GNA12: variants seen among roughly 807,000 people sequenced by gnomAD.
GNA12 encodes the protein guanine nucleotide-binding protein subunit alpha-12.
In GNA12, 9 loss-of-function variants were observed where a neutral mutation model predicts 26.0. That is an observed-to-expected ratio of 0.35 (90% CI 0.21 to 0.60). GNA12 has a LOEUF of 0.60. Among genes scored for constraint, GNA12 ranks in the 20% least tolerant of loss-of-function variants. The probability of loss-of-function intolerance (pLI) is 0.78; values close to 1 mark genes in which losing one functional copy is unlikely to be tolerated. For synonymous variants in GNA12, 264 were observed against 219.6 expected (o/e 1.20, Z -1.79); for missense variants, 405 against 525.8 (o/e 0.77, Z 2.25).
chr7:2,767,942 C>T (rs974469065), intron 2 of GNA12, among the ~76,000 whole-genome samples: 1 of 152,214 alleles, frequency 6.6e-6, no homozygotes, highest in Non-Finnish European at 1.5e-5. Flanking sequence ...GCAACCTCCG[C>T]CTCCTGGGTT....
intron 2 of GNA12, among the ~76,000 whole-genome samples, chr7:2,756,254 A>T (rs915971769): frequency 9.9e-5 from 15 of 152,184 alleles, no homozygotes; most frequent in Non-Finnish European, 1.8e-4. Flanking sequence ...CACATAACTT[A>T]AAAAAAACTC....
intron 2 of GNA12, among the ~76,000 whole-genome samples, chr7:2,785,166 A>G (rs1792327503): frequency 6.6e-6 from 1 of 152,204 alleles, no homozygotes; most frequent in Admixed American, 6.5e-5. Context: ...CAAATACCTC[A>G]GCTTCCTGCT....
intron 1 of GNA12, among the ~76,000 whole-genome samples, chr7:2,842,624 T>C (rs964581088): frequency 1.3e-5 from 2 of 152,118 alleles, no homozygotes; most frequent in African/African-American, 4.8e-5. Context: ...TTCACAAATA[T>C]GGCGAAGAGA....
rs1793363680 is a variant in GNA12, at chr7:2,821,226, A to G, written c.309+22627T>C. 2.0e-5 allele frequency among the ~76,000 whole-genome samples: 3 copies of G among 152,326 alleles called. 1 individual carries two copies. The South Asian group carries it at 6.2e-4, about 32-fold the overall frequency. On this transcript the variant is annotated intron_variant, in intron 1 of 3. Transcript: ENST00000275364. ...TCTGCAAGACAGGCTGAGAAACAGA[A>G]TCATTCCAATCACTCCTGCTGTATC...
intron 1 of GNA12, among the ~76,000 whole-genome samples, chr7:2,799,528 G>A (rs1421734914): frequency 1.3e-5 from 2 of 152,168 alleles, no homozygotes; most frequent in Non-Finnish European, 2.9e-5. Flanking sequence ...GTTACAGTGA[G>A]CTATGACAGT....
intron 2 of GNA12, among the ~76,000 whole-genome samples, chr7:2,782,576 C>G (rs1437729818): frequency 6.6e-6 from 1 of 152,034 alleles, no homozygotes; most frequent in Admixed American, 6.6e-5. Flanking sequence ...AAGTTCACGT[C>G]TACCTTTTTC....
intron 1 of GNA12, among the ~76,000 whole-genome samples, chr7:2,809,993 G>C (rs1202844196): frequency 6.6e-6 from 1 of 152,182 alleles, no homozygotes; most frequent in Non-Finnish European, 1.5e-5. Flanking sequence ...CAGTCTTCTA[G>C]TATCATTACA....
rs368802006 is a variant in GNA12, at chr7:2,728,235, C to T, written c.*2946G>A. The T allele has an allele frequency of 5.7e-4, 87 of 152,412 alleles. No homozygotes were observed. In the Middle Eastern group the frequency reaches 0.01, roughly 18 times the overall value. The allele number at this position is 152,412 out of a possible 1,614,324, so 9.4% of individuals were successfully genotyped here. A position where few individuals can be genotyped will look rare whatever the true frequency, so the allele number is the denominator to read the frequency against. On this transcript the variant is annotated 3_prime_UTR_variant, in exon 4 of 4. Coordinates refer to ENST00000275364, the MANE Select transcript of GNA12 (RefSeq NM_007353.3). ...AAGCTTACACCATGAACAACTGACC[C>T]GGACCACTACCATTCCAATGGGAGC...
chr7:2,820,044 G>C (rs1040863986), intron 1 of GNA12, among the ~76,000 whole-genome samples: 1 of 152,256 alleles, frequency 6.6e-6, no homozygotes, highest in Non-Finnish European at 1.5e-5. Flanking sequence ...CGGCCGCTTA[G>C]AGGGATGACG....
At chr7:2,840,509 T>C (rs1487639170) in intron 1 of GNA12, among the ~76,000 whole-genome samples, 2 of 152,254 alleles carry the variant, frequency 1.3e-5, no homozygotes, top group Non-Finnish European at 2.9e-5. Context: ...AGTATTATTC[T>C]AAATGGTATC....
Position 2,844,141 on chromosome 7 carries a change from G to T in GNA12, c.21C>A (p.Thr7=). Residue 7 remains threonine (T), a synonymous_variant, in exon 1 of 4, where the codon ACC becomes ACA. Transcript: ENST00000275364. MSGVVR[T]LSRCLLPAEA... ...CGGCCGGCAGCAGGCAGCGGCTGAG[G>T]GTCCGCACCACCCCGGACATGGCCC... 3.0e-6 allele frequency: 3 copies of T among 986,432 alleles called. No homozygotes were observed. The highest frequency in any genetic ancestry group is 3.6e-6 in the Non-Finnish European group (3 of 832,298). 61.1% of individuals were successfully genotyped at this position (986,432 alleles called of 1,614,324 possible). A position where few individuals can be genotyped will look rare whatever the true frequency, so the allele number is the denominator to read the frequency against.
intron 1 of GNA12, among the ~76,000 whole-genome samples, chr7:2,842,021 A>AAGAAAGGGAGGG (rs1434162513): frequency 8.5e-6 from 1 of 117,682 alleles, no homozygotes; most frequent in Non-Finnish European, 2.0e-5. Context: ...GGGAGAAAGG[A>AAGAAAGGGAGGG]AGGGAGGAAG....
At chr7:2,776,333 A>G (rs1274474015) in intron 2 of GNA12, among the ~76,000 whole-genome samples, 1 of 152,164 alleles carries the variant, frequency 6.6e-6, no homozygotes, top group Non-Finnish European at 1.5e-5. Context: ...GAAAGAACAG[A>G]ACAGAAGACA....
intron 1 of GNA12, among the ~76,000 whole-genome samples, chr7:2,807,093 C>T (rs910742777): frequency 1.3e-5 from 2 of 151,978 alleles, no homozygotes; most frequent in Admixed American, 1.3e-4. Context: ...GAAAATTGTC[C>T]TCCAATAATA....
intron 2 of GNA12, among the ~76,000 whole-genome samples, chr7:2,774,586 G>A (rs1239474034): frequency 6.6e-6 from 1 of 152,162 alleles, no homozygotes; most frequent in Non-Finnish European, 1.5e-5. Flanking sequence ...AGGCAAAGGG[G>A]GGGTCCAGGT....
intron 2 of GNA12, chr7:2,762,888 T>C (rs798488): frequency 0.29 from 410,311 of 1,433,962 alleles, 60,374 homozygotes; most frequent in Non-Finnish European, 0.3. Flanking sequence ...CGTGGAGCCA[T>C]TGGTGCTGCG....
At chr7:2,759,586 C>A (rs1026510413) in intron 2 of GNA12, among the ~76,000 whole-genome samples, 2 of 152,182 alleles carry the variant, frequency 1.3e-5, no homozygotes, top group African/African-American at 2.4e-5. Context: ...GGTAGTGGCT[C>A]ACATGGGGTT....
chr7:2,738,767 T>C (rs1057195981), intron 2 of GNA12, among the ~76,000 whole-genome samples: 16 of 152,228 alleles, frequency 1.1e-4, no homozygotes, highest in Admixed American at 5.9e-4. Flanking sequence ...TTAAAGCAAA[T>C]GAACCCAATA....
At chr7:2,784,609 C>T (rs760635996) in intron 2 of GNA12, among the ~76,000 whole-genome samples, 93 of 152,200 alleles carry the variant, frequency 6.1e-4, no homozygotes, top group Non-Finnish European at 1.1e-3. Flanking sequence ...TTTAAAATCA[C>T]TCCCAACCTA....
Sources: allele counts gnomAD v4.1 joint callset (sites outside exome capture counted in the v4.1 genomes callset), GRCh38; gene constraint gnomAD v4.1.1; transcripts MANE v1.5; gene names NCBI Gene and HGNC (gene_info 2026-07-23, HGNC 2026-07-21).